The following NFIB variants were observed in gnomAD, a reference collection of about 807,000 sequenced individuals.
The protein encoded by NFIB is nuclear factor I B.
NFIB carries 11 observed loss-of-function variants against 61.5 expected under a neutral mutation model. That is an observed-to-expected ratio of 0.18 (90% CI 0.11 to 0.30). The LOEUF is 0.30. NFIB is among the 10% of genes least tolerant of loss of function. The pLI is 1.00. For missense variants in NFIB, 471 were observed against 608.9 expected, an observed-to-expected ratio of 0.77 and a Z score of 2.38; for synonymous variants, 260 against 216.5, an observed-to-expected ratio of 1.20 and a Z score of -1.76.
intron 4 of NFIB, among the ~76,000 whole-genome samples, chr9:14,153,539 C>T (rs1179710831): frequency 6.6e-6 from 1 of 152,082 alleles, no homozygotes; most frequent in Non-Finnish European, 1.5e-5. Flanking sequence ...TAGAGGCCAA[C>T]CTTTAATCTC....
intron 2 of NFIB, among the ~76,000 whole-genome samples, chr9:14,289,034 A>G (rs2058899641): frequency 6.6e-6 from 1 of 150,948 alleles, no homozygotes; most frequent in South Asian, 2.1e-4. Flanking sequence ...TATACCACAT[A>G]TATATTATAT....
In NFIB at chr9:14,307,083, A is replaced by G. The variant is rs768575399; in HGVS notation, c.468T>C (p.His156=). The change falls in exon 2 of 11, where the codon CAT becomes CAC. Residue 156 remains histidine, a synonymous_variant. Coordinates refer to ENST00000380953, the MANE Select transcript of NFIB (RefSeq NM_001190737.2). The surrounding 1 kb of genome is among the most constrained non-coding windows in gnomAD (Gnocchi z 5.3). ...TDGERLMKSP[H]CTNPALCVQP... ...GGACACAAAGTGCTGGGTTTGTGCA[A>G]TGTGGGGATTTCATGAGCCGCTCTC... The G allele has an allele frequency of 1.9e-6, 3 of 1,614,000 alleles. No homozygotes were observed. The African/African-American group carries it at 4.0e-5, about 22-fold the overall frequency.
At chr9:14,295,774 T>C (rs966428153) in intron 2 of NFIB, among the ~76,000 whole-genome samples, 1 of 152,256 alleles carries the variant, frequency 6.6e-6, no homozygotes, top group African/African-American at 2.4e-5. Context: ...ATGACAGTTT[T>C]ACACTTTTAT....
At chr9:14,109,555 T>G (rs1322434100) in intron 10 of NFIB, among the ~76,000 whole-genome samples, 1 of 152,052 alleles carries the variant, frequency 6.6e-6, no homozygotes, top group Non-Finnish European at 1.5e-5. Context: ...TAAAGAAGAA[T>G]GAAGCTCCAA....
rs577719706 is a variant in NFIB, at chr9:14,255,156, G to A, written c.562+51833C>T. Reference sequence around the variant, plus strand: ...GAGAATCACTTGAGCCCAGGAGTTCGAGGCTGCAGTGAGCTATGATCACAC... The same window carrying A: ...GAGAATCACTTGAGCCCAGGAGTTCAAGGCTGCAGTGAGCTATGATCACAC... On this transcript the variant is annotated intron_variant, in intron 2 of 10. Coordinates refer to ENST00000380953, the MANE Select transcript of NFIB (RefSeq NM_001190737.2). 7.9e-5 allele frequency among the ~76,000 whole-genome samples: 12 copies of A among 152,060 alleles called. No individual in the cohort carries two copies. In the South Asian group the frequency reaches 1.0e-3, roughly 13 times the overall value.
chr9:14,199,223 G>A (rs1238005647), intron 2 of NFIB, among the ~76,000 whole-genome samples: 1 of 152,186 alleles, frequency 6.6e-6, no homozygotes, highest in Non-Finnish European at 1.5e-5. Flanking sequence ...AGATTTTTTG[G>A]CAATTGTGTT....
chr9:14,380,874 T>G (rs1030806808), intron 1 of NFIB, among the ~76,000 whole-genome samples: 1 of 151,958 alleles, frequency 6.6e-6, no homozygotes, highest in Non-Finnish European at 1.5e-5. Flanking sequence ...TGGTAGAAGC[T>G]AGGTGCTGTC....
At chr9:14,160,139 G>C (rs530476666) in intron 3 of NFIB, among the ~76,000 whole-genome samples, 66 of 152,232 alleles carry the variant, frequency 4.3e-4, no homozygotes, top group Non-Finnish European at 8.2e-4. Flanking sequence ...ATAAAATTGA[G>C]TAGGAAATAA....
the NFIB span, among the ~76,000 whole-genome samples, chr9:14,524,121 C>T: frequency 6.6e-6 from 1 of 152,030 alleles, no homozygotes; most frequent in Non-Finnish European, 1.5e-5. Flanking sequence ...CATTAAGGGC[C>T]TTTTAGGTAC....
chr9:14,300,834 A>G (rs1418554516), intron 2 of NFIB, among the ~76,000 whole-genome samples: 2 of 152,204 alleles, frequency 1.3e-5, no homozygotes, highest in Non-Finnish European at 2.9e-5. Flanking sequence ...GGTTTTATAT[A>G]GCCTACCAGT....
At chr9:14,408,481 GACCAC>G in the NFIB span, among the ~76,000 whole-genome samples, 1 of 152,138 alleles carries the variant, frequency 6.6e-6, no homozygotes, top group Non-Finnish European at 1.5e-5. Context: ...AAGTTTCAGA[GACCAC>G]AATGGAGGCG....
chr9:14,385,015 C>T (rs868506341), intron 1 of NFIB, among the ~76,000 whole-genome samples: 7 of 152,224 alleles, frequency 4.6e-5, no homozygotes, highest in Admixed American at 4.6e-4. Flanking sequence ...CATAGGCTTG[C>T]TGATTTGTCT....
At chr9:14,157,878 C>T (rs1198399857) in intron 3 of NFIB, among the ~76,000 whole-genome samples, 7 of 151,902 alleles carry the variant, frequency 4.6e-5, no homozygotes, top group East Asian at 3.9e-4. Flanking sequence ...CTTGGGAGGC[C>T]GAGGTGGGTG....
At chr9:14,304,263 G>C (rs1005707014) in intron 2 of NFIB, among the ~76,000 whole-genome samples, 1 of 152,156 alleles carries the variant, frequency 6.6e-6, no homozygotes, top group African/African-American at 2.4e-5. Context: ...TGAACCAAAA[G>C]AGAAAGAGGG....
At chr9:14,524,859 C>G in the NFIB span, among the ~76,000 whole-genome samples, 1 of 152,158 alleles carries the variant, frequency 6.6e-6, no homozygotes, top group African/African-American at 2.4e-5. Context: ...TTTAATATCA[C>G]CAGATAATAA....
At chr9:14,277,481 C>A (rs1055125721) in intron 2 of NFIB, among the ~76,000 whole-genome samples, 1 of 152,210 alleles carries the variant, frequency 6.6e-6, no homozygotes, top group Admixed American at 6.5e-5. Flanking sequence ...ATGGATTAGA[C>A]AGACGCACAA....
chr9:14,104,404 G>A (rs981251347), intron 10 of NFIB, among the ~76,000 whole-genome samples: 1 of 151,664 alleles, frequency 6.6e-6, no homozygotes, highest in Non-Finnish European at 1.5e-5. Flanking sequence ...AGTGTGATGG[G>A]GCAAATTGTC....
At position 14,085,559 on chromosome 9, in the gene NFIB, C is replaced by A; in HGVS notation, c.*2750G>T. On this transcript the variant is annotated 3_prime_UTR_variant, in exon 11 of 11. Coordinates refer to ENST00000380953, the MANE Select transcript of NFIB (RefSeq NM_001190737.2). ...TAAAATTCTATATTTCCCTTCTGCT[C>A]TGGTTCTCAGTTTTAAAAGGGGAGA... 1 of 220,460 alleles carries A rather than the reference C, an allele frequency of 4.5e-6. No individual in the cohort carries two copies. The allele number at this position is 220,460 out of a possible 1,614,324, so 13.7% of individuals were successfully genotyped here. A position where few individuals can be genotyped will look rare whatever the true frequency, so the allele number is the denominator to read the frequency against.
rs1041030901 is a variant in NFIB, at chr9:14,142,524, A to G, written c.925+4165T>C. 7.9e-5 allele frequency among the ~76,000 whole-genome samples: 12 copies of G among 152,320 alleles called. No homozygotes were observed. The East Asian group carries it at 2.3e-3, about 29-fold the overall frequency. On this transcript the variant is annotated intron_variant, in intron 6 of 10. Coordinates refer to ENST00000380953, the MANE Select transcript of NFIB (RefSeq NM_001190737.2). ...TAGTCTCATGAGAGTAACTTGAATT[A>G]GACGAAAAACTATGACCTCTTATTT... is the stretch of plus-strand genomic sequence containing the variant.
Sources: allele counts gnomAD v4.1 joint callset (sites outside exome capture counted in the v4.1 genomes callset), GRCh38; gene constraint gnomAD v4.1.1; non-coding constraint Gnocchi (gnomAD v3.1); transcripts MANE v1.5; gene names NCBI Gene and HGNC (gene_info 2026-07-23, HGNC 2026-07-21).